CPHXL2: variants seen among roughly 807,000 people sequenced by gnomAD.
CPHXL2 encodes the protein cytoplasmic polyadenylated homeobox like 2.
At chr16:75,670,935 A>G in the CPHXL2 span, among the ~76,000 whole-genome samples, 2 of 151,862 alleles carry the variant, frequency 1.3e-5, no homozygotes, top group Non-Finnish European at 2.9e-5. Context: ...TCCTTTGAAC[A>G]CCTGGAGGAA....
At chr16:75,670,788 C>T in the CPHXL2 span, among the ~76,000 whole-genome samples, 2 of 152,200 alleles carry the variant, frequency 1.3e-5, no homozygotes, top group East Asian at 1.9e-4. Flanking sequence ...TGAGCCACCA[C>T]GCCAGGCGTA....
chr16:75,665,781 C>G, the CPHXL2 span, among the ~76,000 whole-genome samples: 1 of 152,150 alleles, frequency 6.6e-6, no homozygotes, highest in Admixed American at 6.5e-5. Flanking sequence ...GAGATAATCA[C>G]TGGAACCGGG....
chr16:75,675,692 C>G, the CPHXL2 span, among the ~76,000 whole-genome samples: 1 of 152,144 alleles, frequency 6.6e-6, no homozygotes, highest in Non-Finnish European at 1.5e-5. Context: ...CCTTTCATCC[C>G]AAAGTTTTTA....
the CPHXL2 span, among the ~76,000 whole-genome samples, chr16:75,668,758 AT>A: frequency 2.0e-5 from 3 of 151,268 alleles, no homozygotes; most frequent in South Asian, 2.1e-4. Flanking sequence ...TAAAATTTGT[AT>A]TTTTTTTTAA....
the CPHXL2 span, among the ~76,000 whole-genome samples, chr16:75,673,075 C>CAAA: frequency 5.8e-3 from 424 of 73,132 alleles, 15 homozygotes; most frequent in Middle Eastern, 0.01. Context: ...GACCTTGTCT[C>CAAA]AAAAAAAAAA....
the CPHXL2 span, among the ~76,000 whole-genome samples, chr16:75,666,434 A>AT: frequency 6.6e-6 from 1 of 151,892 alleles, no homozygotes; most frequent in Non-Finnish European, 1.5e-5. Flanking sequence ...AGCCTGGCCA[A>AT]TAAGTCTCTA....
chr16:75,673,795 A>G, the CPHXL2 span, among the ~76,000 whole-genome samples: 2 of 151,442 alleles, frequency 1.3e-5, no homozygotes, highest in African/African-American at 2.4e-5. Context: ...CCTGGGCAAC[A>G]TGGCAAAACC....
At chr16:75,676,693 A>T in the CPHXL2 span, among the ~76,000 whole-genome samples, 2 of 152,178 alleles carry the variant, frequency 1.3e-5, no homozygotes, top group South Asian at 2.1e-4. Flanking sequence ...CATCCATTCA[A>T]ACTTCCCCCC....
the CPHXL2 span, among the ~76,000 whole-genome samples, chr16:75,662,860 G>A: frequency 2.0e-5 from 3 of 149,556 alleles, no homozygotes; most frequent in African/African-American, 7.4e-5. Context: ...GTGCAGTGGC[G>A]CAGTGTCGGC....
chr16:75,674,909 C>T, the CPHXL2 span, among the ~76,000 whole-genome samples: 1 of 151,886 alleles, frequency 6.6e-6, no homozygotes, highest in Admixed American at 6.6e-5. Flanking sequence ...GGGGTTTCAC[C>T]ACCGGGTGCG....
the CPHXL2 span, among the ~76,000 whole-genome samples, chr16:75,662,973 T>C: frequency 6.6e-6 from 1 of 152,108 alleles, no homozygotes; most frequent in African/African-American, 2.4e-5. Context: ...TAATTTTTTT[T>C]GTATTTTTAG....
the CPHXL2 span, among the ~76,000 whole-genome samples, chr16:75,676,695 C>G: frequency 6.6e-6 from 1 of 152,198 alleles, no homozygotes; most frequent in Non-Finnish European, 1.5e-5. Context: ...TCCATTCAAA[C>G]TTCCCCCCAA....
the CPHXL2 span, among the ~76,000 whole-genome samples, chr16:75,674,741 G>A: frequency 4.0e-5 from 6 of 151,800 alleles, no homozygotes; most frequent in Admixed American, 2.0e-4. Context: ...ACAGAGTCTC[G>A]CTCTGTCTCC....
the CPHXL2 span, among the ~76,000 whole-genome samples, chr16:75,669,929 CTT>C: frequency 4.6e-5 from 7 of 152,258 alleles, no homozygotes; most frequent in East Asian, 5.8e-4. Flanking sequence ...GAGAATTTAT[CTT>C]TTATTTATTT....
the CPHXL2 span, among the ~76,000 whole-genome samples, chr16:75,673,979 T>TA: frequency 5.8e-3 from 523 of 90,436 alleles, 2 homozygotes; most frequent in African/African-American, 0.017. Context: ...GATCTCGTCT[T>TA]AAAAAAAAAA....
chr16:75,674,484 A>C, the CPHXL2 span, among the ~76,000 whole-genome samples: 1 of 152,110 alleles, frequency 6.6e-6, no homozygotes, highest in African/African-American at 2.4e-5. Context: ...AAGATTCAGA[A>C]AACTTAATAT....
At chr16:75,672,108 A>G in the CPHXL2 span, among the ~76,000 whole-genome samples, 3 of 138,754 alleles carry the variant, frequency 2.2e-5, no homozygotes, top group Non-Finnish European at 4.7e-5. Context: ...CGTCTCTACT[A>G]AAAAAAAAAG....
the CPHXL2 span, among the ~76,000 whole-genome samples, chr16:75,674,170 G>C: frequency 1.3e-5 from 2 of 151,350 alleles, no homozygotes; most frequent in Non-Finnish European, 2.9e-5. Flanking sequence ...TCAGGAGATT[G>C]AGACCATCCT....
the CPHXL2 span, among the ~76,000 whole-genome samples, chr16:75,667,159 A>G: frequency 1.3e-5 from 2 of 151,806 alleles, no homozygotes; most frequent in Non-Finnish European, 2.9e-5. Flanking sequence ...TAATAATACA[A>G]AAATTAGCCA....
Sources: gnomAD v4.1 joint callset for allele counts (sites outside exome capture counted in the v4.1 genomes callset) on GRCh38, gnomAD v4.1.1 for gene constraint, MANE v1.5 for transcripts, NCBI Gene and HGNC (gene_info 2026-07-23, HGNC 2026-07-21) for gene names.